The following SYCE2 variants were observed in gnomAD, a reference collection of about 807,000 sequenced individuals.
SYCE2 encodes the protein synaptonemal complex central element protein 2.
Under a neutral mutation model 27.9 loss-of-function variants are expected in SYCE2, and 3 were observed. That is an observed-to-expected ratio of 0.11 (90% CI 0.05 to 0.28). The LOEUF (loss-of-function observed/expected upper bound fraction) is 0.28, where lower values mean the gene tolerates loss of function less well. Among genes scored for constraint, SYCE2 ranks in the 10% least tolerant of loss-of-function variants. The probability of loss-of-function intolerance (pLI) is 1.00; values close to 1 mark genes in which losing one functional copy is unlikely to be tolerated. For synonymous variants in SYCE2, 85 were observed against 100.7 expected, an observed-to-expected ratio of 0.84 and a Z score of 0.93; for missense variants, 207 against 263.5, an observed-to-expected ratio of 0.79 and a Z score of 1.48.
chr19:12,906,807 C>G (rs1970942480), intron 2 of SYCE2, among the ~76,000 whole-genome samples: 1 of 152,090 alleles, frequency 6.6e-6, no homozygotes, highest in African/African-American at 2.4e-5. Flanking sequence ...ACTCAGGAGG[C>G]TGAGGTACAA....
intron 2 of SYCE2, chr19:12,914,266 T>C (rs759527811): frequency 6.6e-6 from 1 of 152,224 alleles, no homozygotes; most frequent in Non-Finnish European, 1.5e-5. Context: ...CAACTGGCTG[T>C]GTGATGGGGG....
At position 12,900,706 on chromosome 19, in the gene SYCE2, T is replaced by C. The variant is rs142835012; in HGVS notation, c.307-58A>G. 1.1e-4 allele frequency: 156 copies of C among 1,464,250 alleles called. No homozygotes were observed. In the African/African-American group the frequency reaches 2.1e-3, roughly 19 times the overall value. 90.7% of individuals were successfully genotyped at this position (1,464,250 alleles called of 1,614,324 possible). ...CAAACAAGAGGTATCACAAGACATCTGTGTTAAGTGGGTTTCTTAGATTTC... is the reference window on the plus strand; with the variant it reads ...CAAACAAGAGGTATCACAAGACATCCGTGTTAAGTGGGTTTCTTAGATTTC... On this transcript the variant is annotated intron_variant, in intron 3 of 5. Coordinates refer to ENST00000293695, the MANE Select transcript of SYCE2 (RefSeq NM_001105578.2).
chr19:12,899,604 T>C (rs1970787363), intron 5 of SYCE2: 2 of 1,613,522 alleles, frequency 1.2e-6, no homozygotes, highest in African/African-American at 1.3e-5. Flanking sequence ...GGCTGGACCG[T>C]AGGAGCGCTG....
chr19:12,904,464 C>T (rs769302698), intron 3 of SYCE2, 28 bp downstream of exon 3: 5 of 1,613,440 alleles, frequency 3.1e-6, no homozygotes, highest in Admixed American at 1.7e-5. Flanking sequence ...ATAAGGAATC[C>T]CCCCTCTCGC....
At position 12,899,485 on chromosome 19, in the gene SYCE2, G is replaced by A. The variant is rs151201155; in HGVS notation, c.613-100C>T. 200 of 1,614,158 alleles carry A rather than the reference G, an allele frequency of 1.2e-4. 1 individual carries two copies. In the African/African-American group the frequency reaches 2.0e-3, roughly 16 times the overall value. ...TTGTCCAGGTACACATGACATTCAC[G>A]CCCTGATCCTTGGGAGAGCTATCAC... On this transcript the variant is annotated intron_variant, in intron 5 of 5. Coordinates refer to ENST00000293695, the MANE Select transcript of SYCE2 (RefSeq NM_001105578.2).
At chr19:12,918,638 C>T (rs1971182795) in intron 1 of SYCE2, among the ~76,000 whole-genome samples, 1 of 151,980 alleles carries the variant, frequency 6.6e-6, no homozygotes, top group Non-Finnish European at 1.5e-5. Flanking sequence ...TGGAGTCCTT[C>T]GAGAAAGGAG....
At chr19:12,919,203 C>T (rs1439881796) in intron 1 of SYCE2, 40 bp downstream of exon 1, 4 of 1,607,348 alleles carry the variant, frequency 2.5e-6, no homozygotes, top group Non-Finnish European at 2.5e-6. Context: ...CCTATCTGTC[C>T]GCCCGCCCCA....
chr19:12,912,786 A>AG (rs1185474496), intron 2 of SYCE2, among the ~76,000 whole-genome samples: 3 of 152,188 alleles, frequency 2.0e-5, no homozygotes, highest in Admixed American at 6.6e-5. Flanking sequence ...GTAAAAAAAA[A>AG]AAAAAATCAC....
chr19:12,918,533 G>A (rs1223085156), intron 1 of SYCE2, among the ~76,000 whole-genome samples, 196 bp from the exon 2 acceptor site: 1 of 152,142 alleles, frequency 6.6e-6, no homozygotes, highest in African/African-American at 2.4e-5. Flanking sequence ...GTCCCTAGGG[G>A]ACACCAGGAC....
At chr19:12,900,228 CCACAGAG>C (rs1970807672) in intron 4 of SYCE2, 108 bp from the exon 5 acceptor site, 1 of 1,340,450 alleles carries the variant, frequency 7.5e-7, no homozygotes, top group African/African-American at 1.5e-5. Context: ...CTTTCTGTCA[CCACAGAG>C]CTGCTCATAC....
At chr19:12,911,425 G>A (rs903683460) in intron 2 of SYCE2, among the ~76,000 whole-genome samples, 1 of 151,860 alleles carries the variant, frequency 6.6e-6, no homozygotes, top group African/African-American at 2.4e-5. Flanking sequence ...AGCCTTAATG[G>A]GTTTTTTTCT....
chr19:12,915,829 TTC>T (rs1971129099), intron 2 of SYCE2, among the ~76,000 whole-genome samples: 1 of 152,028 alleles, frequency 6.6e-6, no homozygotes, highest in Non-Finnish European at 1.5e-5. Context: ...GCACGAGCTC[TTC>T]TCTCAACCCC....
At chr19:12,904,824 C>T in intron 2 of SYCE2, 158 bp from the exon 3 acceptor site, 1 of 784,030 alleles carries the variant, frequency 1.3e-6, no homozygotes, top group South Asian at 1.8e-5. Flanking sequence ...ATGGTGAAAC[C>T]TCGTCTCTAG....
intron 5 of SYCE2, 128 bp downstream of exon 5, chr19:12,899,876 A>G (rs1180439288): frequency 6.3e-7 from 1 of 1,591,166 alleles, no homozygotes; most frequent in Non-Finnish European, 8.6e-7. Flanking sequence ...CTGAGTTCAC[A>G]GTGCGCCCTC....
chr19:12,912,916 C>G (rs1340762423), intron 2 of SYCE2, among the ~76,000 whole-genome samples: 3 of 152,054 alleles, frequency 2.0e-5, no homozygotes, highest in Non-Finnish European at 4.4e-5. Context: ...TTTCATTTTT[C>G]TTAATACACA....
In SYCE2 at chr19:12,898,977, T is replaced by C; in HGVS notation, c.*364A>G. The C allele has an allele frequency of 3.2e-6, 1 of 308,410 alleles. No homozygotes were observed. Among genetic ancestry groups the C allele is most frequent in the Non-Finnish European group, 6.2e-6 (1 of 160,670 alleles). 19.1% of individuals were successfully genotyped at this position (308,410 alleles called of 1,614,324 possible). On this transcript the variant is annotated 3_prime_UTR_variant, in exon 6 of 6. Coordinates refer to ENST00000293695, the MANE Select transcript of SYCE2 (RefSeq NM_001105578.2). ...CTGAGGCAAGTGACTGCTCTTCCGA[T>C]GTGCTGTCCCTCCTATCCCTCCCGA... is the stretch of plus-strand genomic sequence containing the variant.
chr19:12,918,929 C>T (rs1971189593), intron 1 of SYCE2, among the ~76,000 whole-genome samples: 1 of 146,612 alleles, frequency 6.8e-6, no homozygotes. Flanking sequence ...CCAGACTGGG[C>T]GACAGAGTGA....
At chr19:12,910,482 C>G (rs533486438) in intron 2 of SYCE2, among the ~76,000 whole-genome samples, 1 of 151,890 alleles carries the variant, frequency 6.6e-6, no homozygotes, top group Non-Finnish European at 1.5e-5. Flanking sequence ...GAGTCATTCT[C>G]GTGCCCCAGC....
chr19:12,904,531 A>G lies in SYCE2; in HGVS notation c.267T>C (p.His89=). Reference sequence around the variant, plus strand: ...TGTTCCTGAAGTTGGTCATGAGTGCATGGTCCTTTTGCCGGCTCTTGTTGA... The same window carrying G: ...TGTTCCTGAAGTTGGTCATGAGTGCGTGGTCCTTTTGCCGGCTCTTGTTGA... ...ENINKSRQKD[H]ALMTNFRNSL... The change falls in exon 3 of 6, where the codon CAT becomes CAC. Residue 89 remains histidine, a synonymous_variant. Transcript: ENST00000293695. 1 of 1,614,028 alleles carries G rather than the reference A, an allele frequency of 6.2e-7. No individual in the cohort carries two copies.
Sources: gnomAD v4.1 joint callset for allele counts (sites outside exome capture counted in the v4.1 genomes callset) on GRCh38, gnomAD v4.1.1 for gene constraint, MANE v1.5 for transcripts, NCBI Gene and HGNC (gene_info 2026-07-23, HGNC 2026-07-21) for gene names.